Variants in SGMS2 observed in about 807,000 individuals in gnomAD.
SGMS2 encodes phosphatidylcholine:ceramide cholinephosphotransferase 2.
A neutral mutation model predicts 43.8 loss-of-function variants in SGMS2; 21 were observed. That is an observed-to-expected ratio of 0.48 (90% confidence interval 0.34 to 0.69). The LOEUF is 0.69. SGMS2 is among the 30% of genes least tolerant of loss of function. The probability of loss-of-function intolerance (pLI) is 0.01; values close to 1 mark genes in which losing one functional copy is unlikely to be tolerated. For missense variants in SGMS2, 384 were observed against 443.2 expected, an observed-to-expected ratio of 0.87 and a Z score of 1.20; for synonymous variants, 167 against 160.6, an observed-to-expected ratio of 1.04 and a Z score of -0.30.
At chr4:107,909,608 TC>T (rs1731937316) in intron 6 of SGMS2, among the ~76,000 whole-genome samples, 1 of 152,180 alleles carries the variant, frequency 6.6e-6, no homozygotes, top group Non-Finnish European at 1.5e-5. Flanking sequence ...TGCCACCTCT[TC>T]CAGGAAGCTG....
At chr4:107,898,348 T>C (rs1730844376) in intron 3 of SGMS2, among the ~76,000 whole-genome samples, 1 of 152,138 alleles carries the variant, frequency 6.6e-6, no homozygotes, top group Non-Finnish European at 1.5e-5. Context: ...TATACATAAT[T>C]CTTGAAATTA....
intron 1 of SGMS2, among the ~76,000 whole-genome samples, chr4:107,841,219 G>A (rs1726478555): frequency 6.6e-6 from 1 of 152,122 alleles, no homozygotes; most frequent in Admixed American, 6.5e-5. Flanking sequence ...TGAAGTTGGT[G>A]GTGTATCAAG....
Position 107,912,853 on chromosome 4 carries a change from T to TCTTTACA in SGMS2, c.*2302_*2308dup. 1 of 152,116 alleles carries TCTTTACA rather than the reference T, an allele frequency of 6.6e-6. No homozygotes were observed. Among genetic ancestry groups the TCTTTACA allele is most frequent in the East Asian group, 1.9e-4 (1 of 5,188 alleles). 9.4% of individuals were successfully genotyped at this position (152,116 alleles called of 1,614,324 possible). Reference sequence around the variant, plus strand: ...CAATGTGGACATTGCCGCTGCCATGTCTTTACACGCATGTGTCGTATAGCT... The same window carrying TCTTTACA: ...CAATGTGGACATTGCCGCTGCCATGTCTTTACACTTTACACGCATGTGTCGTATAGCT... On this transcript the variant is annotated 3_prime_UTR_variant, in exon 7 of 7. Transcript: ENST00000690982.
At position 107,886,420 on chromosome 4, in the gene SGMS2, G is replaced by T. The variant is rs1271246567; in HGVS notation, c.-244-8890G>T. 3.2e-5 allele frequency among the ~76,000 whole-genome samples: 4 copies of T among 126,300 alleles called. No individual in the cohort carries two copies. In the Admixed American group the frequency reaches 3.8e-4, roughly 12 times the overall value. 82.9% of individuals were successfully genotyped at this position (126,300 alleles called of 152,430 possible). On this transcript the variant is annotated intron_variant, in intron 2 of 6. Coordinates refer to ENST00000690982, the MANE Select transcript of SGMS2 (RefSeq NM_001375905.1). The stretch of plus-strand genomic sequence containing the variant: ...GGTAAACGCAGGGTTTCGCCATGTT[G>T]CCCAGACTGGTCTTGAACTCCTGGG...
intron 2 of SGMS2, among the ~76,000 whole-genome samples, chr4:107,887,980 A>C (rs1322743846): frequency 6.6e-6 from 1 of 152,194 alleles, no homozygotes; most frequent in Admixed American, 6.5e-5. Flanking sequence ...ACAGGGACCC[A>C]TATGCTTGTC....
chr4:107,858,118 G>C (rs971154776), intron 1 of SGMS2, among the ~76,000 whole-genome samples: 7 of 151,482 alleles, frequency 4.6e-5, no homozygotes, highest in African/African-American at 1.2e-4. Context: ...GACTCTGACT[G>C]ACTTTTTTGA....
intron 1 of SGMS2, among the ~76,000 whole-genome samples, chr4:107,848,333 A>G (rs1205535788): frequency 1.3e-5 from 2 of 152,186 alleles, no homozygotes; most frequent in Admixed American, 1.3e-4. Flanking sequence ...AAGGACCTCT[A>G]GGTTGTCTCC....
chr4:107,869,698 C>G lies in SGMS2; in HGVS notation c.-245+11145C>G, dbSNP rs147272703. ...TGGGGAAAAAAGAATCTCTTTCTTA[C>G]AGATGAAATTACATGGTCTCTGAGA... On this transcript the variant is annotated intron_variant, in intron 2 of 6. Transcript: ENST00000690982. 6.6e-5 allele frequency among the ~76,000 whole-genome samples: 10 copies of G among 151,676 alleles called. No homozygotes were observed. The East Asian group carries it at 1.7e-3, about 26-fold the overall frequency.
chr4:107,842,221 C>T (rs968395568), intron 1 of SGMS2, among the ~76,000 whole-genome samples: 1 of 152,024 alleles, frequency 6.6e-6, no homozygotes, highest in Non-Finnish European at 1.5e-5. Context: ...TAAATTATTT[C>T]AAAAAGAGGC....
chr4:107,899,101 A>G (rs966188368), intron 3 of SGMS2, among the ~76,000 whole-genome samples: 1 of 152,146 alleles, frequency 6.6e-6, no homozygotes, highest in Non-Finnish European at 1.5e-5. Context: ...ACATTTCCCT[A>G]TGTGTCTAAT....
chr4:107,844,119 G>A (rs559702707), intron 1 of SGMS2, among the ~76,000 whole-genome samples: 244 of 151,442 alleles, frequency 1.6e-3, no homozygotes, highest in Middle Eastern at 3.4e-3. Context: ...TCAGGAGTTC[G>A]AGACTAGCCT....
intron 1 of SGMS2, among the ~76,000 whole-genome samples, chr4:107,828,384 TTAAG>T (rs1367268495): frequency 6.6e-6 from 1 of 152,186 alleles, no homozygotes; most frequent in East Asian, 1.9e-4. Flanking sequence ...TTTAGGGAAA[TTAAG>T]TAACTTTCCT....
intron 2 of SGMS2, among the ~76,000 whole-genome samples, chr4:107,866,481 G>T (rs1381017379): frequency 2.0e-5 from 3 of 151,854 alleles, no homozygotes. Context: ...CAGGAGAATC[G>T]CTTGAACCTG....
chr4:107,912,246 A>G lies in SGMS2; in HGVS notation c.*1693A>G, dbSNP rs1373745851. The G allele has an allele frequency of 1.3e-5, 2 of 152,180 alleles. No individual in the cohort carries two copies. The highest frequency in any genetic ancestry group is 2.9e-5 in the Non-Finnish European group (2 of 68,024). 9.4% of individuals were successfully genotyped at this position (152,180 alleles called of 1,614,324 possible). ...ATAGAATAATCACTAAAGGAAAGGTAGTTGAATTTAAAGTCATGAAGCAAG... is the reference window on the plus strand; with the variant it reads ...ATAGAATAATCACTAAAGGAAAGGTGGTTGAATTTAAAGTCATGAAGCAAG... On this transcript the variant is annotated 3_prime_UTR_variant, in exon 7 of 7. Coordinates refer to ENST00000690982, the MANE Select transcript of SGMS2 (RefSeq NM_001375905.1).
At position 107,869,696 on chromosome 4, in the gene SGMS2, T is replaced by TA. The variant is rs1168106560; in HGVS notation, c.-245+11144dup. 2.6e-5 allele frequency among the ~76,000 whole-genome samples: 4 copies of TA among 152,014 alleles called. No homozygotes were observed. The South Asian group carries it at 6.2e-4, about 24-fold the overall frequency. On this transcript the variant is annotated intron_variant, in intron 2 of 6. Transcript: ENST00000690982. The stretch of plus-strand genomic sequence containing the variant: ...GTTGGGGAAAAAAGAATCTCTTTCT[T>TA]ACAGATGAAATTACATGGTCTCTGA...
chr4:107,914,381 ACTAAT>A lies in SGMS2; in HGVS notation c.*3834_*3838del, dbSNP rs1384009029. The A allele has an allele frequency of 3.9e-5, 6 of 152,176 alleles. No homozygotes were observed. The highest frequency in any genetic ancestry group is 1.4e-4 in the African/African-American group (6 of 41,464). The allele number at this position is 152,176 out of a possible 1,614,324, so 9.4% of individuals were successfully genotyped here. A position where few individuals can be genotyped will look rare whatever the true frequency, so the allele number is the denominator to read the frequency against. On this transcript the variant is annotated 3_prime_UTR_variant, in exon 7 of 7. Transcript: ENST00000690982. ...GAAAAAGAGGAAACGATGAACAAAA[ACTAAT>A]CTAATTGCCAAGTTAGAATTCATTA...
At chr4:107,888,658 T>A (rs975782158) in intron 2 of SGMS2, among the ~76,000 whole-genome samples, 6 of 152,150 alleles carry the variant, frequency 3.9e-5, no homozygotes, top group African/African-American at 1.4e-4. Flanking sequence ...TCCTGGTTCA[T>A]TTTACCTGGT....
At chr4:107,841,931 C>G (rs968340040) in intron 1 of SGMS2, among the ~76,000 whole-genome samples, 6 of 152,016 alleles carry the variant, frequency 3.9e-5, no homozygotes, top group Non-Finnish European at 7.4e-5. Flanking sequence ...AACTTACAGG[C>G]ATGAATCACT....
chr4:107,892,745 C>G (rs1371808195), intron 2 of SGMS2, among the ~76,000 whole-genome samples: 1 of 152,096 alleles, frequency 6.6e-6, no homozygotes, highest in East Asian at 1.9e-4. Flanking sequence ...TTTTGGGTTT[C>G]TGATTAGCCT....
Sources: gnomAD v4.1 joint callset for allele counts (sites outside exome capture counted in the v4.1 genomes callset) on GRCh38, gnomAD v4.1.1 for gene constraint, MANE v1.5 for transcripts, NCBI Gene and HGNC (gene_info 2026-07-23, HGNC 2026-07-21) for gene names.